The following CSMD1 variants were observed in gnomAD, a reference collection of about 807,000 sequenced individuals.
The protein encoded by CSMD1 is CUB and Sushi multiple domains 1.
Under a neutral mutation model 417.5 loss-of-function variants are expected in CSMD1, and 213 were observed. The observed-to-expected ratio is 0.51, with a 90% CI of 0.46 to 0.57. The LOEUF is 0.57. CSMD1 is among the 20% of genes least tolerant of loss of function. CSMD1 has a pLI of 0.00. For missense variants in CSMD1, 6,923 were observed against 4,529.7 expected (o/e 1.53, Z -15.17); for synonymous variants, 2,862 against 1,736.8 (o/e 1.65, Z -16.11).
At position 4,970,675 on chromosome 8, in the gene CSMD1, A is replaced by C. The variant is rs531679185; in HGVS notation, c.85+23657T>G. On this transcript the variant is annotated intron_variant, in intron 1 of 69. Transcript: ENST00000635120. Reference sequence around the variant, plus strand: ...AAAAACACTTAAATAAAAAGTTATAAATAAATAGCCTGACAAATGCTATCT... The same window carrying C: ...AAAAACACTTAAATAAAAAGTTATACATAAATAGCCTGACAAATGCTATCT... 2.6e-5 allele frequency among the ~76,000 whole-genome samples: 4 copies of C among 152,236 alleles called. No homozygotes were observed. In the East Asian group the frequency reaches 7.7e-4, roughly 29 times the overall value.
intron 49 of CSMD1, among the ~76,000 whole-genome samples, chr8:3,063,840 G>C (rs546746533): frequency 1.3e-5 from 2 of 152,184 alleles, no homozygotes; most frequent in Admixed American, 1.3e-4. Context: ...ATGGGAACTT[G>C]TTTAATATGT....
intron 1 of CSMD1, among the ~76,000 whole-genome samples, chr8:4,722,633 T>G (rs1251606545): frequency 6.6e-6 from 1 of 152,106 alleles, no homozygotes; most frequent in East Asian, 1.9e-4. Context: ...CCACAGGCAA[T>G]GTAATAGTCT....
At chr8:3,753,803 C>T (rs1449007595) in intron 6 of CSMD1, 127 bp downstream of exon 6, 1 of 593,362 alleles carries the variant, frequency 1.7e-6, no homozygotes, top group Non-Finnish European at 2.9e-6. Flanking sequence ...CCAAAGATAA[C>T]TGTGAATAAA....
At chr8:2,959,769 C>T (rs1803301994) in intron 62 of CSMD1, among the ~76,000 whole-genome samples, 1 of 152,070 alleles carries the variant, frequency 6.6e-6, no homozygotes, top group Non-Finnish European at 1.5e-5. Flanking sequence ...AGAAAACAGA[C>T]AAAAATCTCA....
intron 4 of CSMD1, among the ~76,000 whole-genome samples, chr8:4,030,282 C>G (rs1797274827): frequency 6.6e-6 from 1 of 152,224 alleles, no homozygotes; most frequent in Non-Finnish European, 1.5e-5. Flanking sequence ...CAAAGGTTCT[C>G]CATGAGGACC....
intron 3 of CSMD1, among the ~76,000 whole-genome samples, chr8:4,034,797 T>C (rs1797531230): frequency 6.6e-6 from 1 of 152,208 alleles, no homozygotes; most frequent in African/African-American, 2.4e-5. Context: ...CTACTGCTAA[T>C]TCTTCTTAGA....
At chr8:4,427,637 C>G (rs954456186) in intron 2 of CSMD1, among the ~76,000 whole-genome samples, 8 of 152,080 alleles carry the variant, frequency 5.3e-5, no homozygotes, top group Non-Finnish European at 1.2e-4. Flanking sequence ...GTAATAATTA[C>G]ATTATTTTTA....
chr8:4,974,688 G>C (rs750760905), intron 1 of CSMD1, among the ~76,000 whole-genome samples: 2 of 152,148 alleles, frequency 1.3e-5, no homozygotes, highest in South Asian at 2.1e-4. Context: ...AGAGACCTAA[G>C]AGTAAGACAG....
At chr8:3,772,336 C>CATACATATGTACATATATTTATAT (rs1798627754) in intron 5 of CSMD1, among the ~76,000 whole-genome samples, 2 of 30,766 alleles carry the variant, frequency 6.5e-5, no homozygotes, top group Non-Finnish European at 1.2e-4. Flanking sequence ...TATATTTAGA[C>CATACATATGTACATATATTTATAT]ATACATATAT....
At chr8:4,013,405 T>C (rs1796372351) in intron 4 of CSMD1, among the ~76,000 whole-genome samples, 1 of 152,144 alleles carries the variant, frequency 6.6e-6, no homozygotes, top group South Asian at 2.1e-4. Context: ...GCTCACTCTG[T>C]CCCGTTCATT....
chr8:4,103,633 T>A (rs1025121704), intron 3 of CSMD1, among the ~76,000 whole-genome samples: 1 of 152,144 alleles, frequency 6.6e-6, no homozygotes, highest in Non-Finnish European at 1.5e-5. Context: ...GTCTTAAGGA[T>A]CTTTAAATCT....
chr8:4,303,687 G>A (rs566003678), intron 3 of CSMD1, among the ~76,000 whole-genome samples: 1 of 151,688 alleles, frequency 6.6e-6, no homozygotes, highest in Non-Finnish European at 1.5e-5. Context: ...ATGTAGTCTT[G>A]CTCTCTTGCC....
At chr8:4,812,407 T>C (rs1798959209) in intron 1 of CSMD1, among the ~76,000 whole-genome samples, 1 of 152,112 alleles carries the variant, frequency 6.6e-6, no homozygotes, top group African/African-American at 2.4e-5. Context: ...TAGCACAGAG[T>C]AGTGACTTTG....
chr8:3,312,837 T>A (rs1371697570), intron 23 of CSMD1, among the ~76,000 whole-genome samples: 2 of 152,152 alleles, frequency 1.3e-5, no homozygotes, highest in Non-Finnish European at 2.9e-5. Context: ...TTCAGACACT[T>A]TGACCCCTAG....
chr8:3,710,894 T>G (rs928618276), intron 6 of CSMD1, among the ~76,000 whole-genome samples: 1 of 151,940 alleles, frequency 6.6e-6, no homozygotes, highest in Admixed American at 6.6e-5. Flanking sequence ...CTGGGGAGCA[T>G]GGAGACAGGA....
At chr8:4,584,105 G>A (rs1799581160) in intron 2 of CSMD1, among the ~76,000 whole-genome samples, 4 of 151,994 alleles carry the variant, frequency 2.6e-5, no homozygotes, top group South Asian at 4.2e-4. Context: ...CTAGAAGGAA[G>A]AAACTCTGAA....
rs181477276 is a variant in CSMD1, at chr8:4,792,527, G to A, written c.86-154969C>T. On this transcript the variant is annotated intron_variant, in intron 1 of 69. Transcript: ENST00000635120. The stretch of plus-strand genomic sequence containing the variant: ...AGTTGTGGTTGCTGTCTGTGCTTTG[G>A]GTGATCACGCACCCATTCAGCCATA... Among the ~76,000 whole-genome samples, 5 of 152,132 alleles carry A rather than the reference G, an allele frequency of 3.3e-5. No homozygotes were observed. In the East Asian group the frequency reaches 9.7e-4, roughly 29 times the overall value.
chr8:3,419,050 C>G (rs1200447650), intron 12 of CSMD1, among the ~76,000 whole-genome samples: 1 of 152,190 alleles, frequency 6.6e-6, no homozygotes, highest in African/African-American at 2.4e-5. Context: ...ATAGTTAATG[C>G]TCTGCTGTGT....
chr8:4,903,931 C>T (rs945398763), intron 1 of CSMD1, among the ~76,000 whole-genome samples: 10 of 152,158 alleles, frequency 6.6e-5, no homozygotes, highest in African/African-American at 2.4e-4. Flanking sequence ...TTCCTTGAGC[C>T]TATTACGGAA....
Sources: gnomAD v4.1 joint callset for allele counts (sites outside exome capture counted in the v4.1 genomes callset) on GRCh38, gnomAD v4.1.1 for gene constraint, MANE v1.5 for transcripts, NCBI Gene and HGNC (gene_info 2026-07-23, HGNC 2026-07-21) for gene names.